GALNT8: variants seen among roughly 807,000 people sequenced by gnomAD.
GALNT8 encodes probable polypeptide N-acetylgalactosaminyltransferase 8.
In GALNT8, 66 loss-of-function variants were observed where a neutral mutation model predicts 62.7. The observed-to-expected ratio is 1.05, with a 90% CI of 0.86 to 1.29. The LOEUF (loss-of-function observed/expected upper bound fraction) is 1.29, where lower values mean the gene tolerates loss of function less well. Ranked by LOEUF, GALNT8 falls within the 50% of genes most tolerant of loss-of-function variation. GALNT8 has a pLI of 0.00. For synonymous variants in GALNT8, 288 were observed against 294.3 expected, an observed-to-expected ratio of 0.98 and a Z score of 0.22; for missense variants, 771 against 791.8, an observed-to-expected ratio of 0.97 and a Z score of 0.32.
At chr12:4,755,943 C>T (rs1398475475) in intron 6 of GALNT8, among the ~76,000 whole-genome samples, 1 of 152,166 alleles carries the variant, frequency 6.6e-6, no homozygotes, top group Admixed American at 6.5e-5. Flanking sequence ...TGTGGGATAG[C>T]AGCTACCTAG....
At chr12:4,758,036 C>T (rs560058431) in intron 6 of GALNT8, among the ~76,000 whole-genome samples, 1 of 152,294 alleles carries the variant, frequency 6.6e-6, no homozygotes, top group East Asian at 1.9e-4. Flanking sequence ...CTCCCAAACA[C>T]ACACAGAACA....
In GALNT8 at chr12:4,723,219, AAG is replaced by A. The variant is rs572496328; in HGVS notation, c.211+2339_211+2340del. ...AATAAATGAGTGGGTGTGTCTAGGA[AAG>A]AGAGAGAAAAAGACAGGCAGACAGG... is the stretch of plus-strand genomic sequence containing the variant. On this transcript the variant is annotated intron_variant, in intron 1 of 10. Coordinates refer to ENST00000252318, the MANE Select transcript of GALNT8 (RefSeq NM_017417.2). Among the ~76,000 whole-genome samples the A allele has an allele frequency of 4.6e-5, 7 of 152,286 alleles. No individual in the cohort carries two copies. In the East Asian group the frequency reaches 1.2e-3, roughly 25 times the overall value.
chr12:4,761,000 C>T lies in GALNT8; in HGVS notation c.1216C>T (p.Arg406Trp), dbSNP rs750358554. 36 of 1,613,908 alleles carry T rather than the reference C, an allele frequency of 2.2e-5. No individual in the cohort carries two copies. Among genetic ancestry groups the T allele is most frequent in the South Asian group, 1.4e-4 (13 of 91,068 alleles). Residue 406 changes from arginine to tryptophan, a missense_variant, in exon 7 of 11, where the codon CGG becomes TGG. Physicochemically the swap from Arg to Trp is moderately radical, Grantham distance 101. Coordinates refer to ENST00000252318, the MANE Select transcript of GALNT8 (RefSeq NM_017417.2). ...GGKVEILPCS[R>W]IAHLERHHKP... ...GAAGGTCGAGATTTTGCCCTGTTCC[C>T]GGATTGCCCACCTAGAGAGACACCA... is the stretch of plus-strand genomic sequence containing the variant.
intron 2 of GALNT8, among the ~76,000 whole-genome samples, chr12:4,728,439 T>C (rs1946206050): frequency 6.6e-6 from 1 of 152,194 alleles, no homozygotes. Context: ...AGACCTTGCT[T>C]GGTACAAGGT....
At chr12:4,727,255 A>G (rs1007546274) in intron 2 of GALNT8, among the ~76,000 whole-genome samples, 2 of 150,652 alleles carry the variant, frequency 1.3e-5, no homozygotes, top group Admixed American at 1.3e-4. Flanking sequence ...TTGAAGAGCA[A>G]TCCCTCTCCC....
intron 10 of GALNT8, among the ~76,000 whole-genome samples, chr12:4,766,797 C>G (rs1946402119): frequency 6.6e-6 from 1 of 152,028 alleles, no homozygotes; most frequent in Admixed American, 6.6e-5. Flanking sequence ...CACGGACAAT[C>G]TAGTTCAACA....
intron 10 of GALNT8, among the ~76,000 whole-genome samples, chr12:4,766,186 G>A (rs933881950): frequency 6.6e-6 from 1 of 152,132 alleles, no homozygotes; most frequent in Admixed American, 6.5e-5. Context: ...ACAGGGAACT[G>A]GTAAGAAACA....
Position 4,772,520 on chromosome 12 carries a change from G to C in GALNT8, c.1837G>C (p.Val613Leu). 2 of 1,613,918 alleles carry C rather than the reference G, an allele frequency of 1.2e-6. No individual in the cohort carries two copies. Among genetic ancestry groups the C allele is most frequent in the Non-Finnish European group, 1.7e-6 (2 of 1,179,774 alleles). The change falls in exon 11 of 11, where the codon GTG becomes CTG. Residue 613 changes from valine (V) to leucine (L), a missense_variant. Coordinates refer to ENST00000252318, the MANE Select transcript of GALNT8 (RefSeq NM_017417.2). ...GGATCTTTTGGGTAGCCACGTGCTTGTGCTCCAGACCTGTAGCACGCAAGT... is the reference window on the plus strand; with the variant it reads ...GGATCTTTTGGGTAGCCACGTGCTTCTGCTCCAGACCTGTAGCACGCAAGT... Reference protein sequence around the residue: ...KKDLLGSHVLVLQTCSTQVWE... With the variant: ...KKDLLGSHVLLLQTCSTQVWE...
chr12:4,737,546 G>A (rs369852093), intron 2 of GALNT8, among the ~76,000 whole-genome samples: 4 of 152,306 alleles, frequency 2.6e-5, no homozygotes, highest in African/African-American at 9.6e-5. Flanking sequence ...TCTTAACAAG[G>A]TCTGCCTGAA....
At chr12:4,770,929 G>C (rs1946421418) in intron 10 of GALNT8, among the ~76,000 whole-genome samples, 2 of 152,190 alleles carry the variant, frequency 1.3e-5, no homozygotes, top group Non-Finnish European at 2.9e-5. Context: ...AAAGATGGAT[G>C]TTAGGAATAG....
chr12:4,770,212 G>T (rs1196354404), intron 10 of GALNT8, among the ~76,000 whole-genome samples: 1 of 151,448 alleles, frequency 6.6e-6, no homozygotes, highest in Non-Finnish European at 1.5e-5. Flanking sequence ...TGAGGCAGGA[G>T]AATTACCTGA....
chr12:4,752,716 T>C (rs1946327606), intron 6 of GALNT8, among the ~76,000 whole-genome samples: 5 of 152,190 alleles, frequency 3.3e-5, no homozygotes, highest in Admixed American at 3.3e-4. Context: ...ACACCACAGT[T>C]ACAGTGTTAT....
intron 10 of GALNT8, chr12:4,768,305 C>G (rs1380366119): frequency 4.3e-6 from 1 of 231,252 alleles, no homozygotes; most frequent in Non-Finnish European, 8.7e-6. Flanking sequence ...ATTTGATTCC[C>G]TTAATAGCTA....
In GALNT8 at chr12:4,720,520, C is replaced by T. The variant is rs1565581822; in HGVS notation, c.-158C>T. The T allele has an allele frequency of 3.2e-6, 2 of 620,054 alleles. No individual in the cohort carries two copies. The highest frequency in any genetic ancestry group is 1.9e-5 in the South Asian group (1 of 51,768). The allele number at this position is 620,054 out of a possible 1,614,324, so 38.4% of individuals were successfully genotyped here. On this transcript the variant is annotated 5_prime_UTR_variant, in exon 1 of 11. Transcript: ENST00000252318. ...TAAGGAGACTTTGCTCCTCAGAGGC[C>T]ACCCGTGGCTTCCCATGGGTGTCTC...
chr12:4,727,704 A>G (rs1303369289), intron 2 of GALNT8, among the ~76,000 whole-genome samples: 1 of 152,118 alleles, frequency 6.6e-6, no homozygotes, highest in Non-Finnish European at 1.5e-5. Context: ...GTTCCTTTTT[A>G]TTGTTAAATA....
chr12:4,729,233 T>C (rs1385571468), intron 2 of GALNT8, among the ~76,000 whole-genome samples: 3 of 152,176 alleles, frequency 2.0e-5, no homozygotes, highest in African/African-American at 7.2e-5. Flanking sequence ...GGCTAATATA[T>C]ATCTAAATTA....
intron 2 of GALNT8, among the ~76,000 whole-genome samples, chr12:4,728,902 G>A (rs1265980795): frequency 6.6e-6 from 1 of 152,112 alleles, no homozygotes; most frequent in Non-Finnish European, 1.5e-5. Context: ...AAACCAGCAG[G>A]ATTTTGACAG....
Position 4,720,862 on chromosome 12 carries a change from A to T in GALNT8, c.185A>T (p.His62Leu). Residue 62 changes from histidine to leucine, a missense_variant, in exon 1 of 11, where the codon CAC becomes CTC. Coordinates refer to ENST00000252318, the MANE Select transcript of GALNT8 (RefSeq NM_017417.2). ...RYGAVIKRLS[H>L]LEVELQDLKE... ...GGGGCAGTGATAAAGAGACTCTCCC[A>T]CTTGGAGGTGGAATTGCAGGATCTG... The T allele has an allele frequency of 3.1e-6, 5 of 1,604,994 alleles. No homozygotes were observed. Among genetic ancestry groups the T allele is most frequent in the Middle Eastern group, 1.7e-4 (1 of 5,924 alleles).
intron 8 of GALNT8, among the ~76,000 whole-genome samples, chr12:4,763,743 G>A (rs951405001): frequency 6.6e-6 from 1 of 151,560 alleles, no homozygotes; most frequent in Admixed American, 6.6e-5. Flanking sequence ...GGTGTTTCCC[G>A]GATGTGGGCA....
Sources: gnomAD v4.1 joint callset for allele counts (sites outside exome capture counted in the v4.1 genomes callset) on GRCh38, gnomAD v4.1.1 for gene constraint, MANE v1.5 for transcripts, NCBI Gene and HGNC (gene_info 2026-07-23, HGNC 2026-07-21) for gene names.